The following KIAA0930 variants were observed in gnomAD, a reference collection of about 807,000 sequenced individuals.
The protein encoded by KIAA0930 is KIAA0930, also known as uncharacterized protein KIAA0930.
A neutral mutation model predicts 43.9 loss-of-function variants in KIAA0930; 24 were observed. That is an observed-to-expected ratio of 0.55 (90% CI 0.40 to 0.77). The LOEUF (loss-of-function observed/expected upper bound fraction) is 0.77. Among genes scored for constraint, KIAA0930 ranks in the 30% least tolerant of loss-of-function variants. The probability of loss-of-function intolerance (pLI) is 0.00; values close to 1 mark genes in which losing one functional copy is unlikely to be tolerated. For missense variants in KIAA0930, 461 were observed against 574.2 expected, an observed-to-expected ratio of 0.80 and a Z score of 2.02; for synonymous variants, 259 against 216.4, an observed-to-expected ratio of 1.20 and a Z score of -1.73.
intron 1 of KIAA0930, among the ~76,000 whole-genome samples, chr22:45,230,960 T>G (rs1163204615): frequency 1.3e-5 from 2 of 151,950 alleles, no homozygotes; most frequent in East Asian, 3.9e-4. Flanking sequence ...AATAAACAGG[T>G]TGAGGCTGGG....
Position 45,192,484 on chromosome 22 carries a change from G to A in KIAA0930, c.*4692C>T, listed in dbSNP as rs182470370. ...TTTTGCTAAAATACATGTTGTAGAA[G>A]TCATAATTCATAGTGAAGAATCTCA... On this transcript the variant is annotated 3_prime_UTR_variant, in exon 10 of 10. Coordinates refer to ENST00000336156, the MANE Select transcript of KIAA0930 (RefSeq NM_001009880.2). 6.6e-6 allele frequency: 1 copy of A among 152,310 alleles called. No homozygotes were observed. Among genetic ancestry groups the A allele is most frequent in the Admixed American group, 6.5e-5 (1 of 15,302 alleles). 9.4% of individuals were successfully genotyped at this position (152,310 alleles called of 1,614,324 possible).
rs2083514213 is a variant in KIAA0930 at position 45,194,050 on chromosome 22, A to ATTTTT, written c.*3125_*3126insAAAAA. 2.4e-5 allele frequency: 1 copy of ATTTTT among 41,618 alleles called. No homozygotes were observed. Among genetic ancestry groups the ATTTTT allele is most frequent in the Non-Finnish European group, 5.0e-5 (1 of 19,838 alleles). The allele number at this position is 41,618 out of a possible 1,614,324, so 2.6% of individuals were successfully genotyped here. A position where few individuals can be genotyped will look rare whatever the true frequency, so the allele number is the denominator to read the frequency against. ...GGGGTTTGGGTTTAAAGACCAATGT[A>ATTTTT]TCTTTTTTTTTTTTTTTTTTTTTTT... On this transcript the variant is annotated 3_prime_UTR_variant, in exon 10 of 10. Transcript: ENST00000336156.
chr22:45,230,194 C>T (rs914610582), intron 1 of KIAA0930, among the ~76,000 whole-genome samples: 1 of 152,162 alleles, frequency 6.6e-6, no homozygotes, highest in African/African-American at 2.4e-5. Context: ...AGGGCTGACT[C>T]TTGGCCTGCG....
intron 1 of KIAA0930, among the ~76,000 whole-genome samples, chr22:45,233,848 G>A (rs927910300): frequency 6.6e-6 from 1 of 152,190 alleles, no homozygotes; most frequent in African/African-American, 2.4e-5. Context: ...ATTAGATGAC[G>A]TATTGTTTAC....
intron 1 of KIAA0930, among the ~76,000 whole-genome samples, chr22:45,228,859 CCA>C (rs2083824630): frequency 1.1e-5 from 1 of 88,074 alleles, no homozygotes; most frequent in Non-Finnish European, 2.3e-5. Context: ...TCTTCACCCC[CCA>C]ACCACCACTC....
At chr22:45,214,646 T>C (rs2083720112) in intron 1 of KIAA0930, among the ~76,000 whole-genome samples, 1 of 152,138 alleles carries the variant, frequency 6.6e-6, no homozygotes, top group Non-Finnish European at 1.5e-5. Flanking sequence ...AGGTAGCTCA[T>C]ACCTGTAATC....
In KIAA0930 at chr22:45,240,730, C is replaced by T. The variant is rs2083911709; in HGVS notation, c.-27G>A. 4 of 1,029,426 alleles carry T rather than the reference C, an allele frequency of 3.9e-6. No individual in the cohort carries two copies. The Admixed American group carries it at 4.3e-4, about 110-fold the overall frequency. The allele number at this position is 1,029,426 out of a possible 1,614,324, so 63.8% of individuals were successfully genotyped here. A position where few individuals can be genotyped will look rare whatever the true frequency, so the allele number is the denominator to read the frequency against. ...TGCTGCAGCGAGCGCTCCTCGGCCTCGGCGCCGCCCGCAGGCTCGGGGGCG... is the reference window on the plus strand; with the variant it reads ...TGCTGCAGCGAGCGCTCCTCGGCCTTGGCGCCGCCCGCAGGCTCGGGGGCG... On this transcript the variant is annotated 5_prime_UTR_variant, in exon 1 of 10. Transcript: ENST00000336156.
At position 45,194,127 on chromosome 22, in the gene KIAA0930, T is replaced by C. The variant is rs2083515618; in HGVS notation, c.*3049A>G. ...TTCGCTCTCGTTGCCCAGGCTAGAA[T>C]GCAATGGCGTGATCTCGGCTCACTG... On this transcript the variant is annotated 3_prime_UTR_variant, in exon 10 of 10. Coordinates refer to ENST00000336156, the MANE Select transcript of KIAA0930 (RefSeq NM_001009880.2). The C allele has an allele frequency of 7.7e-6, 1 of 130,024 alleles. No homozygotes were observed. Among genetic ancestry groups the C allele is most frequent in the African/African-American group, 2.9e-5 (1 of 34,938 alleles). 8.1% of individuals were successfully genotyped at this position (130,024 alleles called of 1,614,324 possible).
chr22:45,203,115 C>A lies in KIAA0930; in HGVS notation c.727G>T (p.Val243Leu). 6.2e-7 allele frequency: 1 copy of A among 1,613,792 alleles called. No homozygotes were observed. The highest frequency in any genetic ancestry group is 8.5e-7 in the Non-Finnish European group (1 of 1,179,864). Residue 243 changes from valine to leucine, a missense_variant, in exon 7 of 10, where the codon GTG becomes TTG. Val to Leu is a conservative substitution (Grantham distance 32). Coordinates refer to ENST00000336156, the MANE Select transcript of KIAA0930 (RefSeq NM_001009880.2). ...TTGCCCTGGGGGCCCTTCATGCGCA[C>A]AAACTCCATGTTGCTGTACTTGTAG... is the stretch of plus-strand genomic sequence containing the variant. ...GFYKYSNMEF[V>L]RMKGPQGKGH... is the part of the protein sequence containing the mutation.
chr22:45,232,552 T>C (rs1323161297), intron 1 of KIAA0930, among the ~76,000 whole-genome samples: 2 of 152,188 alleles, frequency 1.3e-5, no homozygotes, highest in African/African-American at 4.8e-5. Flanking sequence ...CTCCCCTGTC[T>C]GTGTCAGTGA....
chr22:45,221,727 T>G (rs2083768969), intron 1 of KIAA0930, among the ~76,000 whole-genome samples: 2 of 151,930 alleles, frequency 1.3e-5, no homozygotes, highest in Non-Finnish European at 2.9e-5. Context: ...TAACTGGGTT[T>G]TTGTTGTTGT....
intron 1 of KIAA0930, among the ~76,000 whole-genome samples, chr22:45,216,782 G>A (rs2083735262): frequency 6.6e-6 from 1 of 152,162 alleles, no homozygotes; most frequent in African/African-American, 2.4e-5. Flanking sequence ...CAAGCAGAGT[G>A]GAGACTTACG....
intron 8 of KIAA0930, among the ~76,000 whole-genome samples, chr22:45,198,660 T>C (rs116417232): frequency 0.14 from 20,611 of 151,742 alleles, 1,596 homozygotes; most frequent in Non-Finnish European, 0.18. Flanking sequence ...CGTTTTTTTT[T>C]GTTTGTTTTG....
intron 9 of KIAA0930, 68 bp downstream of exon 9, chr22:45,197,722 A>T: frequency 6.4e-7 from 1 of 1,563,892 alleles, no homozygotes; most frequent in Non-Finnish European, 8.8e-7. Context: ...GCTCACAAGT[A>T]CCAAGGCCCT....
intron 1 of KIAA0930, among the ~76,000 whole-genome samples, chr22:45,213,857 A>T (rs760709082): frequency 2.0e-5 from 3 of 152,100 alleles, no homozygotes; most frequent in Non-Finnish European, 4.4e-5. Flanking sequence ...TAAAAACACA[A>T]AAATTAGCCA....
intron 1 of KIAA0930, among the ~76,000 whole-genome samples, chr22:45,212,886 G>A (rs1210468087): frequency 2.0e-5 from 3 of 152,160 alleles, no homozygotes; most frequent in South Asian, 2.1e-4. Context: ...CCGAGACCAC[G>A]GGCACACAGC....
intron 1 of KIAA0930, among the ~76,000 whole-genome samples, chr22:45,229,105 C>T (rs77746546): frequency 0.015 from 140 of 9,298 alleles, 1 homozygote; most frequent in Admixed American, 0.036. Context: ...AACACTCACC[C>T]GAGAGATCCC....
chr22:45,219,603 T>G (rs1249582888), intron 1 of KIAA0930, among the ~76,000 whole-genome samples: 2 of 143,600 alleles, frequency 1.4e-5, no homozygotes, highest in African/African-American at 5.4e-5. Context: ...TTTTTTTTTT[T>G]TTTTTTTTAA....
rs1263554598 is a variant in KIAA0930, at chr22:45,193,695, T to C, written c.*3481A>G. On this transcript the variant is annotated 3_prime_UTR_variant, in exon 10 of 10. Coordinates refer to ENST00000336156, the MANE Select transcript of KIAA0930 (RefSeq NM_001009880.2). ...TGGCTATAGAGTATCTTGCGTCCTT[T>C]TGTTCTCTTCTGACTACCTGTCACT... 3 of 152,216 alleles carry C rather than the reference T, an allele frequency of 2.0e-5. No individual in the cohort carries two copies. The highest frequency in any genetic ancestry group is 7.2e-5 in the African/African-American group (3 of 41,456). The allele number at this position is 152,216 out of a possible 1,614,324, so 9.4% of individuals were successfully genotyped here. A position where few individuals can be genotyped will look rare whatever the true frequency, so the allele number is the denominator to read the frequency against.
Sources: gnomAD v4.1 joint callset for allele counts (sites outside exome capture counted in the v4.1 genomes callset) on GRCh38, gnomAD v4.1.1 for gene constraint, MANE v1.5 for transcripts, NCBI Gene and HGNC (gene_info 2026-07-23, HGNC 2026-07-21) for gene names.